The following LPXN variants were observed in gnomAD, a reference collection of about 807,000 sequenced individuals.
The protein encoded by LPXN is leupaxin.
Under a neutral mutation model 45.6 loss-of-function variants are expected in LPXN, and 28 were observed. That is an observed-to-expected ratio of 0.61 (90% CI 0.45 to 0.84). The LOEUF is 0.84. Ranked by LOEUF, LPXN falls within the 40% of genes least tolerant of loss-of-function variation. The probability of loss-of-function intolerance (pLI) is 0.00; values close to 1 mark genes in which losing one functional copy is unlikely to be tolerated. For missense variants in LPXN, 459 were observed against 475.0 expected (o/e 0.97, Z 0.31); for synonymous variants, 166 against 169.9 (o/e 0.98, Z 0.18).
intron 7 of LPXN, among the ~76,000 whole-genome samples, chr11:58,545,913 T>C (rs964042457): frequency 1.3e-5 from 2 of 152,186 alleles, no homozygotes; most frequent in African/African-American, 4.8e-5. Flanking sequence ...TGTGATGGCA[T>C]CATATAAATT....
chr11:58,535,771 C>T (rs1046159965), intron 7 of LPXN, among the ~76,000 whole-genome samples: 20 of 152,164 alleles, frequency 1.3e-4, no homozygotes, highest in Admixed American at 1.1e-3. Context: ...TTAGAAAACC[C>T]CATCATCTCA....
chr11:58,527,326 T>C lies in LPXN; in HGVS notation c.*128A>G, dbSNP rs1409250130. ...TGTAAAGTCTAGAAGTTCCTTTATTTGCTCATCACCTTTCCTTTTTCTATA... is the reference window on the plus strand; with the variant it reads ...TGTAAAGTCTAGAAGTTCCTTTATTCGCTCATCACCTTTCCTTTTTCTATA... On this transcript the variant is annotated 3_prime_UTR_variant, in exon 9 of 9. Coordinates refer to ENST00000395074, the MANE Select transcript of LPXN (RefSeq NM_004811.3). 1 of 897,784 alleles carries C rather than the reference T, an allele frequency of 1.1e-6. No homozygotes were observed. 55.6% of individuals were successfully genotyped at this position (897,784 alleles called of 1,614,324 possible).
chr11:58,563,144 G>C (rs1395198363), intron 3 of LPXN, among the ~76,000 whole-genome samples: 1 of 152,174 alleles, frequency 6.6e-6, no homozygotes, highest in Admixed American at 6.5e-5. Context: ...TGGTTTCCTA[G>C]ATTTAAGAAA....
chr11:58,575,167 C>T (rs1345112214), intron 1 of LPXN, among the ~76,000 whole-genome samples: 3 of 152,122 alleles, frequency 2.0e-5, no homozygotes, highest in Admixed American at 2.0e-4. Context: ...TATTTTCAGG[C>T]CCTAGTAATC....
At chr11:58,562,816 G>C (rs1436809195) in intron 3 of LPXN, among the ~76,000 whole-genome samples, 1 of 152,118 alleles carries the variant, frequency 6.6e-6, no homozygotes, top group East Asian at 1.9e-4. Context: ...GACTTGTGGG[G>C]GGGAAATGCC....
chr11:58,577,177 T>C (rs1239479905), upstream of LPXN, among the ~76,000 whole-genome samples: 1 of 152,054 alleles, frequency 6.6e-6, no homozygotes, highest in Non-Finnish European at 1.5e-5. Flanking sequence ...TCCTCCTCTG[T>C]ATTACTTTGA....
chr11:58,562,619 G>A (rs2120354720), intron 3 of LPXN, among the ~76,000 whole-genome samples: 1 of 152,242 alleles, frequency 6.6e-6, no homozygotes, highest in South Asian at 2.1e-4. Context: ...AAGCAAAACA[G>A]AAGACACTGA....
chr11:58,556,088 T>C (rs2120352789), intron 3 of LPXN, among the ~76,000 whole-genome samples: 1 of 151,836 alleles, frequency 6.6e-6, no homozygotes, highest in African/African-American at 2.4e-5. Context: ...CTTTTTAAAA[T>C]CAAAGAAAAA....
Position 58,527,562 on chromosome 11 carries a change from C to T in LPXN, c.1053G>A (p.Glu351=). The T allele has an allele frequency of 6.2e-7, 1 of 1,614,152 alleles. No individual in the cohort carries two copies. The highest frequency in any genetic ancestry group is 1.1e-5 in the South Asian group (1 of 91,082). ...ISAMGYKFHP[E]HFVCAFCLTQ... is the part of the protein sequence containing the mutation. The stretch of plus-strand genomic sequence containing the variant: ...TCAGGCAGAAAGCACACACAAAGTG[C>T]TCAGGATGGAACTTGTACCCCATGG... The change falls in exon 9 of 9, where the codon GAG becomes GAA. Residue 351 remains glutamate (E), a synonymous_variant. Transcript: ENST00000395074.
intron 1 of LPXN, among the ~76,000 whole-genome samples, chr11:58,571,375 AAATAAAT>A (rs1210957718): frequency 6.7e-6 from 1 of 148,742 alleles, no homozygotes; most frequent in African/African-American, 2.6e-5. Flanking sequence ...ATAAATAAAT[AAATAAAT>A]CCTAAATGCT....
At chr11:58,531,881 T>A (rs1197557432) in intron 7 of LPXN, among the ~76,000 whole-genome samples, 2 of 152,238 alleles carry the variant, frequency 1.3e-5, no homozygotes, top group African/African-American at 2.4e-5. Flanking sequence ...GCCGCTGCAC[T>A]GTGGGAGCCC....
intron 5 of LPXN, 145 bp downstream of exon 5, chr11:58,550,920 T>C: frequency 1.5e-6 from 1 of 646,094 alleles, no homozygotes; most frequent in Non-Finnish European, 2.4e-6. Context: ...TGTAAAGCAC[T>C]TAGCTCAGTG....
At chr11:58,573,954 T>C (rs1045115380) in intron 1 of LPXN, among the ~76,000 whole-genome samples, 1 of 152,106 alleles carries the variant, frequency 6.6e-6, no homozygotes, top group Non-Finnish European at 1.5e-5. Flanking sequence ...ACCTTCTGGG[T>C]GTATACAAGC....
chr11:58,530,764 C>A (rs1050070468), intron 7 of LPXN, among the ~76,000 whole-genome samples: 1 of 152,188 alleles, frequency 6.6e-6, no homozygotes, highest in Non-Finnish European at 1.5e-5. Flanking sequence ...TTGGGAGACA[C>A]CTCCCAATAG....
At chr11:58,560,104 G>T (rs1854328214) in intron 3 of LPXN, among the ~76,000 whole-genome samples, 1 of 152,148 alleles carries the variant, frequency 6.6e-6, no homozygotes, top group South Asian at 2.1e-4. Context: ...ATGAGTTTAT[G>T]AAATAGTTTT....
intron 7 of LPXN, 84 bp downstream of exon 7, chr11:58,549,702 C>T: frequency 8.8e-7 from 1 of 1,131,770 alleles, no homozygotes. Flanking sequence ...GGAACCAGGA[C>T]TCCCGTGACT....
chr11:58,527,308 T>A lies in LPXN; in HGVS notation c.*146A>T. 1.4e-6 allele frequency: 1 copy of A among 726,732 alleles called. No homozygotes were observed. The highest frequency in any genetic ancestry group is 1.9e-5 in the South Asian group (1 of 53,646). 45.0% of individuals were successfully genotyped at this position (726,732 alleles called of 1,614,324 possible). A position where few individuals can be genotyped will look rare whatever the true frequency, so the allele number is the denominator to read the frequency against. On this transcript the variant is annotated 3_prime_UTR_variant, in exon 9 of 9. Transcript: ENST00000395074. Reference sequence around the variant, plus strand: ...AGATTATCAGCCTAGTCATGTAAAGTCTAGAAGTTCCTTTATTTGCTCATC... The same window carrying A: ...AGATTATCAGCCTAGTCATGTAAAGACTAGAAGTTCCTTTATTTGCTCATC...
At chr11:58,558,801 A>G (rs116722133) in intron 3 of LPXN, among the ~76,000 whole-genome samples, 4,016 of 151,962 alleles carry the variant, frequency 0.026, 180 homozygotes, top group African/African-American at 0.092. Flanking sequence ...AAAGATAGAT[A>G]TCAATATTTT....
chr11:58,554,230 T>C (rs113936837), intron 4 of LPXN: 30,435 of 153,176 alleles, frequency 0.2, 3,145 homozygotes, highest in African/African-American at 0.25. Context: ...GGAGGATCGC[T>C]TGAACCTGGG....
Sources: allele counts gnomAD v4.1 joint callset (sites outside exome capture counted in the v4.1 genomes callset), GRCh38; gene constraint gnomAD v4.1.1; transcripts MANE v1.5; gene names NCBI Gene and HGNC (gene_info 2026-07-23, HGNC 2026-07-21).